NFATC3: variants seen among roughly 807,000 people sequenced by gnomAD.
NFATC3 encodes the protein nuclear factor of activated T cells 3, also known as nuclear factor of activated T-cells, cytoplasmic 3.
In NFATC3, 46 loss-of-function variants were observed where a neutral mutation model predicts 98.6. That is an observed-to-expected ratio of 0.47 (90% CI 0.37 to 0.60). NFATC3 has a LOEUF of 0.60. Among genes scored for constraint, NFATC3 ranks in the 20% least tolerant of loss-of-function variants. NFATC3 has a pLI of 0.00. For missense variants in NFATC3, 1,256 were observed against 1,295.5 expected, an observed-to-expected ratio of 0.97 and a Z score of 0.47; for synonymous variants, 512 against 472.2, an observed-to-expected ratio of 1.08 and a Z score of -1.09.
intron 8 of NFATC3, 123 bp from the exon 9 acceptor site, chr16:68,190,645 C>A: frequency 1.1e-6 from 1 of 892,508 alleles, no homozygotes; most frequent in Non-Finnish European, 1.7e-6. Flanking sequence ...ATATGAACTG[C>A]CTTCCTTGGC....
chr16:68,098,138 G>C (rs1013529958), intron 1 of NFATC3, among the ~76,000 whole-genome samples: 4 of 151,578 alleles, frequency 2.6e-5, no homozygotes, highest in African/African-American at 9.7e-5. Context: ...TCCAGGTTTT[G>C]GCTGTTACAA....
intron 3 of NFATC3, among the ~76,000 whole-genome samples, chr16:68,150,159 C>T (rs1348028536): frequency 2.6e-5 from 4 of 151,998 alleles, no homozygotes; most frequent in African/African-American, 9.7e-5. Context: ...GTCTTTGTGC[C>T]TCTTTGGTTA....
Position 68,104,653 on chromosome 16 carries a change from G to GTTTTTTTTTTTTTTTTTT in NFATC3, c.104-17318_104-17317insTTTTTTTTTTTTTTTTTT, listed in dbSNP as rs778016298. Among the ~76,000 whole-genome samples, 112 of 126,672 alleles carry GTTTTTTTTTTTTTTTTTT rather than the reference G, an allele frequency of 8.8e-4. 10 individuals carry two copies. The highest frequency in any genetic ancestry group is 3.3e-3 in the African/African-American group (104 of 31,838). 83.1% of individuals were successfully genotyped at this position (126,672 alleles called of 152,430 possible). A position where few individuals can be genotyped will look rare whatever the true frequency, so the allele number is the denominator to read the frequency against. ...GTTAGCTGTGGGCTTTTCACAAATG[G>GTTTTTTTTTTTTTTTTTT]TTTTTTTTTTTTTTTTGAAATGGAG... On this transcript the variant is annotated intron_variant, in intron 1 of 9. Transcript: ENST00000346183.
chr16:68,120,706 C>G (rs1245537893), intron 1 of NFATC3, among the ~76,000 whole-genome samples: 1 of 151,966 alleles, frequency 6.6e-6, no homozygotes, highest in Non-Finnish European at 1.5e-5. Flanking sequence ...GCACTCCAGC[C>G]TGGGCGACAG....
chr16:68,157,809 C>T lies in NFATC3; in HGVS notation c.1402-60C>T, dbSNP rs1228393684. 20 of 1,326,800 alleles carry T rather than the reference C, an allele frequency of 1.5e-5. No homozygotes were observed. The East Asian group carries it at 4.5e-4, about 30-fold the overall frequency. The allele number at this position is 1,326,800 out of a possible 1,614,324, so 82.2% of individuals were successfully genotyped here. On this transcript the variant is annotated intron_variant, in intron 3 of 9. Coordinates refer to ENST00000346183, the MANE Select transcript of NFATC3 (RefSeq NM_173165.3). ...GATATAATAGACTTACTATTGTTGG[C>T]ATATTGTAAAATGCATGGATAATGA...
intron 8 of NFATC3, among the ~76,000 whole-genome samples, chr16:68,188,341 T>TC (rs1276081299): frequency 5.9e-5 from 9 of 151,788 alleles, no homozygotes; most frequent in African/African-American, 2.2e-4. Flanking sequence ...ACCGCCCCTC[T>TC]CCCCCCGCCA....
chr16:68,221,964 A>G lies in NFATC3; in HGVS notation c.3107-4386A>G, dbSNP rs116533257. 6.9e-3 allele frequency among the ~76,000 whole-genome samples: 1,055 copies of G among 152,172 alleles called. 17 individuals are homozygous for G. Among genetic ancestry groups the G allele is most frequent in the African/African-American group, 0.024 (982 of 41,502 alleles). On this transcript the variant is annotated intron_variant, in intron 9 of 9. Transcript: ENST00000346183. ...GATATGGACCCTCATCGTCAGGAAA[A>G]TAGAAGCATTGACTTCTTATAAGAT... is the stretch of plus-strand genomic sequence containing the variant.
At chr16:68,159,053 G>A (rs2038756154) in intron 4 of NFATC3, among the ~76,000 whole-genome samples, 1 of 152,150 alleles carries the variant, frequency 6.6e-6, no homozygotes, top group Non-Finnish European at 1.5e-5. Flanking sequence ...GCAACATGGC[G>A]AAACCTTGTC....
At chr16:68,226,319 A>C (rs369912503) in intron 9 of NFATC3, 31 bp from the exon 10 acceptor site, 24 of 1,554,924 alleles carry the variant, frequency 1.5e-5, no homozygotes, top group Non-Finnish European at 2.1e-5. Flanking sequence ...CTCAGAGGTC[A>C]CTAATCACTC....
intron 3 of NFATC3, among the ~76,000 whole-genome samples, chr16:68,133,898 AT>A (rs2037251271): frequency 6.6e-6 from 1 of 151,804 alleles, no homozygotes; most frequent in Non-Finnish European, 1.5e-5. Flanking sequence ...AAAAAAAAAA[AT>A]GACTTTCGAT....
chr16:68,196,953 C>T (rs975139526), intron 9 of NFATC3, among the ~76,000 whole-genome samples: 10 of 152,084 alleles, frequency 6.6e-5, no homozygotes, highest in African/African-American at 2.4e-4. Flanking sequence ...TCGCTTGAAC[C>T]TGGGAGGCTG....
chr16:68,220,596 T>G lies in NFATC3; in HGVS notation c.3107-5754T>G, dbSNP rs2041823577. On this transcript the variant is annotated intron_variant, in intron 9 of 9. Transcript: ENST00000346183. ...TAGTGGACTAGAGTTTATTTTTCCT[T>G]TTTTTTTTTTTTAAGAGACAAATTG... is the stretch of plus-strand genomic sequence containing the variant. Among the ~76,000 whole-genome samples, 4 of 145,286 alleles carry G rather than the reference T, an allele frequency of 2.8e-5. No homozygotes were observed. In the Admixed American group the frequency reaches 2.8e-4, roughly 10 times the overall value.
At chr16:68,124,257 A>G (rs2036711392) in intron 2 of NFATC3, among the ~76,000 whole-genome samples, 1 of 151,680 alleles carries the variant, frequency 6.6e-6, no homozygotes, top group Non-Finnish European at 1.5e-5. Context: ...GTATACCACC[A>G]CACTCAATTA....
chr16:68,196,602 G>A (rs1360083068), intron 9 of NFATC3, among the ~76,000 whole-genome samples: 1 of 151,938 alleles, frequency 6.6e-6, no homozygotes, highest in Non-Finnish European at 1.5e-5. Flanking sequence ...CTGAGGCAGG[G>A]AGAATTGCTT....
At chr16:68,134,163 C>T (rs2037265046) in intron 3 of NFATC3, among the ~76,000 whole-genome samples, 1 of 152,078 alleles carries the variant, frequency 6.6e-6, no homozygotes, top group African/African-American at 2.4e-5. Flanking sequence ...ATTTATTGGA[C>T]ATTTGGATAT....
Position 68,227,929 on chromosome 16 carries a change from G to A in NFATC3, c.*1458G>A, listed in dbSNP as rs561148961. The A allele has an allele frequency of 5.3e-5, 8 of 152,198 alleles. No individual in the cohort carries two copies. Among genetic ancestry groups the A allele is most frequent in the African/African-American group, 1.7e-4 (7 of 41,530 alleles). The allele number at this position is 152,198 out of a possible 1,614,324, so 9.4% of individuals were successfully genotyped here. On this transcript the variant is annotated 3_prime_UTR_variant, in exon 10 of 10. Coordinates refer to ENST00000346183, the MANE Select transcript of NFATC3 (RefSeq NM_173165.3). The stretch of plus-strand genomic sequence containing the variant: ...AAATAATATACTTCCATTGATTCAG[G>A]AAGCAGATTTTTTGAGTGCCTATAT...
intron 9 of NFATC3, among the ~76,000 whole-genome samples, chr16:68,224,126 TAAAAAAA>T (rs1174161190): frequency 1.4e-5 from 1 of 72,494 alleles, no homozygotes; most frequent in African/African-American, 6.9e-5. Context: ...TGCACCAGTT[TAAAAAAA>T]AAAAAAAAAA....
chr16:68,187,167 G>A (rs1420531304), intron 8 of NFATC3, among the ~76,000 whole-genome samples: 3 of 152,186 alleles, frequency 2.0e-5, no homozygotes, highest in Admixed American at 6.5e-5. Context: ...GGGTGGTGGC[G>A]CCCTGTGAGG....
intron 9 of NFATC3, among the ~76,000 whole-genome samples, chr16:68,197,741 G>A (rs1296359915): frequency 6.6e-6 from 1 of 151,986 alleles, no homozygotes; most frequent in Non-Finnish European, 1.5e-5. Context: ...CACAGGACAC[G>A]GTAATTTAAA....
Sources: allele counts gnomAD v4.1 joint callset (sites outside exome capture counted in the v4.1 genomes callset), GRCh38; gene constraint gnomAD v4.1.1; transcripts MANE v1.5; gene names NCBI Gene and HGNC (gene_info 2026-07-23, HGNC 2026-07-21).